The following DMD variants were observed in gnomAD, a reference collection of about 807,000 sequenced individuals.
DMD encodes the protein dystrophin.
DMD carries 63 observed loss-of-function variants against 330.1 expected under a neutral mutation model. The ratio of observed to expected loss-of-function variants is 0.19; its 90% CI spans 0.16 to 0.24. The LOEUF is 0.24. Among genes scored for constraint, DMD ranks in the 10% least tolerant of loss-of-function variants. The probability of loss-of-function intolerance (pLI) is 1.00; values close to 1 mark genes in which losing one functional copy is unlikely to be tolerated. For synonymous variants in DMD, 1,223 were observed against 959.8 expected, an observed-to-expected ratio of 1.27 and a Z score of -5.07; for missense variants, 3,344 against 2,684.1, an observed-to-expected ratio of 1.25 and a Z score of -5.43.
At chrX:33,272,460 G>A (rs113758439) in intron 1 of DMD, among the ~76,000 whole-genome samples, 3,497 of 111,640 alleles carry the variant, frequency 0.031, 130 homozygotes, top group African/African-American at 0.11. Context: ...CAAAAAGGAC[G>A]AAAGAAGAAT....
chrX:32,089,717 C>A (rs1051737939), intron 44 of DMD, among the ~76,000 whole-genome samples: 21 of 111,842 alleles, frequency 1.9e-4, no homozygotes, highest in African/African-American at 6.8e-4. Context: ...GAATCCATGT[C>A]TTTGCTATTG....
chrX:32,855,466 A>G (rs182443760), intron 2 of DMD, among the ~76,000 whole-genome samples: 9 of 112,126 alleles, frequency 8.0e-5, no homozygotes, highest in Non-Finnish European at 1.7e-4. Context: ...ATAAAAACAG[A>G]CACATAGACC....
chrX:31,202,237 C>T (rs1318403993), intron 67 of DMD, among the ~76,000 whole-genome samples: 2 of 111,612 alleles, frequency 1.8e-5, no homozygotes, highest in African/African-American at 6.5e-5. Flanking sequence ...GGAAATAACT[C>T]GCGTTTATGG....
chrX:32,198,247 G>A (rs1280561613), intron 44 of DMD, among the ~76,000 whole-genome samples: 5 of 111,548 alleles, frequency 4.5e-5, no homozygotes, highest in Non-Finnish European at 9.4e-5. Context: ...AAAGGTTAAG[G>A]AAATTAAGAA....
At chrX:31,268,345 A>G (rs1343951345) in intron 62 of DMD, among the ~76,000 whole-genome samples, 1 of 112,817 alleles carries the variant, frequency 8.9e-6, no homozygotes, top group Admixed American at 9.4e-5. Context: ...AGGATTCTTT[A>G]TTACCTTTAA....
chrX:32,455,128 T>A (rs1450285696), intron 25 of DMD, among the ~76,000 whole-genome samples: 2 of 111,239 alleles, frequency 1.8e-5, no homozygotes, highest in Non-Finnish European at 1.9e-5. Flanking sequence ...AAAACAAGGC[T>A]TTTTAAAATA....
chrX:32,631,227 G>A (rs2058705997), intron 11 of DMD, among the ~76,000 whole-genome samples: 1 of 111,409 alleles, frequency 9.0e-6, no homozygotes, highest in South Asian at 3.8e-4. Context: ...TAAAGGAGAG[G>A]TGACACAAGC....
chrX:31,242,766 G>A (rs16989480), intron 63 of DMD, among the ~76,000 whole-genome samples: 12,096 of 108,284 alleles, frequency 0.11, 673 homozygotes, highest in African/African-American at 0.17. Context: ...TAAGCCTTCA[G>A]TCATTCCAAC....
At chrX:32,384,962 T>C (rs755224182) in intron 33 of DMD, among the ~76,000 whole-genome samples, 44 of 111,412 alleles carry the variant, frequency 3.9e-4, no homozygotes, top group Non-Finnish European at 7.4e-4. Flanking sequence ...AATAATATTG[T>C]TAAGATGTCT....
intron 76 of DMD, among the ~76,000 whole-genome samples, chrX:31,141,393 G>T (rs185036872): frequency 8.9e-6 from 1 of 112,132 alleles, no homozygotes; most frequent in African/African-American, 3.2e-5. Context: ...TTAAAGAGGG[G>T]AATAATATGA....
intron 61 of DMD, among the ~76,000 whole-genome samples, chrX:31,341,891 G>GCGCACGCA (rs374298104): frequency 2.0e-5 from 2 of 98,876 alleles, no homozygotes; most frequent in Admixed American, 2.2e-4. Context: ...GTGCGCGCGC[G>GCGCACGCA]CACACACACA....
intron 55 of DMD, among the ~76,000 whole-genome samples, chrX:31,615,578 G>A (rs189828071): frequency 8.9e-6 from 1 of 111,776 alleles, no homozygotes; most frequent in East Asian, 2.8e-4. Flanking sequence ...TTGTTATCAT[G>A]AATGAGGGTA....
At chrX:31,785,472 T>G (rs774705257) in intron 50 of DMD, among the ~76,000 whole-genome samples, 147 of 112,318 alleles carry the variant, frequency 1.3e-3, no homozygotes, top group African/African-American at 4.7e-3. Flanking sequence ...TTTTAAATTA[T>G]ACTTTAAGTT....
At chrX:33,309,787 G>A (rs1016092903) in intron 1 of DMD, among the ~76,000 whole-genome samples, 2 of 110,745 alleles carry the variant, frequency 1.8e-5, no homozygotes, top group African/African-American at 6.5e-5. Context: ...TTTATTACAA[G>A]TATGTGGTGT....
At chrX:31,326,878 C>T (rs990040384) in intron 61 of DMD, among the ~76,000 whole-genome samples, 1 of 111,943 alleles carries the variant, frequency 8.9e-6, no homozygotes, top group Non-Finnish European at 1.9e-5. Flanking sequence ...TTTCTTGTAG[C>T]AGTACTGATG....
intron 44 of DMD, among the ~76,000 whole-genome samples, chrX:32,045,346 GT>G (rs1337978736): frequency 3.6e-4 from 35 of 96,194 alleles, no homozygotes; most frequent in East Asian, 6.7e-4. Flanking sequence ...GATCTGTTTT[GT>G]TTTTTTTTTT....
At chrX:32,467,300 T>C (rs1451325141) in intron 23 of DMD, among the ~76,000 whole-genome samples, 1 of 111,304 alleles carries the variant, frequency 9.0e-6, no homozygotes, top group East Asian at 2.8e-4. Flanking sequence ...GTCACAATAA[T>C]TGACCACTCA....
chrX:31,514,792 G>A (rs138212944), intron 55 of DMD, among the ~76,000 whole-genome samples: 11 of 111,651 alleles, frequency 9.9e-5, no homozygotes, highest in African/African-American at 3.2e-4. Context: ...GGATGTATAC[G>A]ATTGGGAAAT....
Position 32,711,061 on chromosome X carries a change from TAA to T in DMD, c.650-11770_650-11769del, listed in dbSNP as rs1277082427. The stretch of plus-strand genomic sequence containing the variant: ...ACTAGATATTAGCAACTTCAAAGAC[TAA>T]ATAGAGAAAAGGAAAGGCTTTGCGT... On this transcript the variant is annotated intron_variant, in intron 7 of 78. Transcript: ENST00000357033. Among the ~76,000 whole-genome samples the T allele has an allele frequency of 3.6e-5, 4 of 111,783 alleles. No individual in the cohort carries two copies. In the Admixed American group the frequency reaches 3.8e-4, roughly 11 times the overall value.
Sources: allele counts gnomAD v4.1 joint callset (sites outside exome capture counted in the v4.1 genomes callset), GRCh38; gene constraint gnomAD v4.1.1; transcripts MANE v1.5; gene names NCBI Gene and HGNC (gene_info 2026-07-23, HGNC 2026-07-21).